The following GPATCH8 variants were observed in gnomAD, a reference collection of about 807,000 sequenced individuals.
GPATCH8 encodes G patch domain-containing protein 8.
A neutral mutation model predicts 118.3 loss-of-function variants in GPATCH8; 18 were observed. The ratio of observed to expected loss-of-function variants is 0.15; its 90% CI spans 0.11 to 0.23. GPATCH8 has a LOEUF of 0.23. Ranked by LOEUF, GPATCH8 falls within the 10% of genes least tolerant of loss-of-function variation. GPATCH8 has a pLI of 1.00. For missense variants in GPATCH8, 1,631 were observed against 1,873.8 expected, an observed-to-expected ratio of 0.87 and a Z score of 2.39; for synonymous variants, 659 against 684.7, an observed-to-expected ratio of 0.96 and a Z score of 0.59.
intron 6 of GPATCH8, among the ~76,000 whole-genome samples, chr17:44,422,635 C>A (rs973889777): frequency 1.3e-5 from 2 of 151,864 alleles, no homozygotes; most frequent in Admixed American, 1.3e-4. Context: ...GGACTACAGG[C>A]GCTCGCTACC....
rs776557370 is a variant in GPATCH8, at chr17:44,400,730, T to G, written c.1347A>C (p.Ala449=). Residue 449 remains alanine, a synonymous_variant, in exon 8 of 8, where the codon GCA becomes GCC. Transcript: ENST00000591680. The stretch of plus-strand genomic sequence containing the variant: ...CTGTCTTTTCTGCTCCTTGGCTTGC[T>G]GCCGCCTTGATGCAGCTTTTAGGCT... ...SPKPKSCIKA[A]ASQGAEKTVS... 18 of 1,612,580 alleles carry G rather than the reference T, an allele frequency of 1.1e-5. No homozygotes were observed. In the South Asian group the frequency reaches 1.5e-4, roughly 14 times the overall value.
chr17:44,437,262 T>C (rs1056768202), intron 3 of GPATCH8, among the ~76,000 whole-genome samples: 3 of 152,208 alleles, frequency 2.0e-5, no homozygotes, highest in Admixed American at 6.5e-5. Flanking sequence ...TGAAAAGGAC[T>C]AGTTGCGAAG....
rs758494011 is a variant in GPATCH8 at position 44,398,331 on chromosome 17, T to C, written c.3746A>G (p.Asp1249Gly). 9.9e-6 allele frequency: 16 copies of C among 1,613,862 alleles called. No individual in the cohort carries two copies. Among genetic ancestry groups the C allele is most frequent in the South Asian group, 9.9e-5 (9 of 91,084 alleles). ...ISHNYLPDPS[D>G]GDTLESLDSS... ...ATCCAGGGACTCCAGGGTGTCCCCA[T>C]CACTGGGGTCGGGGAGGTAGTTATG... The change falls in exon 8 of 8, where the codon GAT becomes GGT. Residue 1249 changes from aspartate to glycine, a missense_variant. Physicochemically the swap from Asp to Gly is moderately conservative, Grantham distance 94. This residue lies in a region of GPATCH8 where 922 missense variants were observed against 879.7 expected (regional missense o/e 1.05). Transcript: ENST00000591680.
chr17:44,464,664 T>C lies in GPATCH8; in HGVS notation c.121-120A>G, dbSNP rs1000766080. 2.1e-4 allele frequency: 162 copies of C among 761,030 alleles called. 3 individuals carry two copies. In the Admixed American group the frequency reaches 2.8e-3, roughly 13 times the overall value. The allele number at this position is 761,030 out of a possible 1,614,324, so 47.1% of individuals were successfully genotyped here. A position where few individuals can be genotyped will look rare whatever the true frequency, so the allele number is the denominator to read the frequency against. On this transcript the variant is annotated intron_variant, in intron 2 of 7. Coordinates refer to ENST00000591680, the MANE Select transcript of GPATCH8 (RefSeq NM_001002909.4). ...TTCTACATATATGCATGCAAAAAGGTGCTAATAATAGGGTAAATGTGCCCA... is the reference window on the plus strand; with the variant it reads ...TTCTACATATATGCATGCAAAAAGGCGCTAATAATAGGGTAAATGTGCCCA...
chr17:44,503,188 A>C, intron 1 of GPATCH8, 138 bp downstream of exon 1: 1 of 782,122 alleles, frequency 1.3e-6, no homozygotes, highest in Non-Finnish European at 2.2e-6. Flanking sequence ...CCTCTTGAGA[A>C]AGCAGAGACG....
intron 3 of GPATCH8, among the ~76,000 whole-genome samples, chr17:44,440,074 G>A (rs2050638167): frequency 1.3e-5 from 2 of 151,990 alleles, no homozygotes; most frequent in Admixed American, 6.6e-5. Flanking sequence ...GAACCACCTC[G>A]CCCGGCCTCA....
intron 3 of GPATCH8, among the ~76,000 whole-genome samples, chr17:44,442,122 TAG>T (rs1369615165): frequency 0.024 from 3,070 of 128,916 alleles, 50 homozygotes; most frequent in African/African-American, 0.044. Flanking sequence ...TATATATATA[TAG>T]AGAGAGAGAG....
intron 3 of GPATCH8, among the ~76,000 whole-genome samples, chr17:44,461,837 T>G (rs1385500347): frequency 2.1e-5 from 3 of 144,402 alleles, no homozygotes; most frequent in African/African-American, 7.4e-5. Flanking sequence ...ACCACAGGCA[T>G]GGACTACCAA....
chr17:44,407,116 A>C (rs760633092), intron 6 of GPATCH8: 1 of 152,166 alleles, frequency 6.6e-6, no homozygotes. Context: ...CCTAATATTT[A>C]TGAAATGTGT....
At position 44,424,111 on chromosome 17, in the gene GPATCH8, T is replaced by C. The variant is rs566091235; in HGVS notation, c.492+238A>G. Among the ~76,000 whole-genome samples the C allele has an allele frequency of 2.6e-5, 4 of 152,262 alleles. No homozygotes were observed. The East Asian group carries it at 5.8e-4, about 22-fold the overall frequency. The stretch of plus-strand genomic sequence containing the variant: ...AAATCAATAAAAGGCAAAAACATTA[T>C]ATAAGATTTACAAAACACAATTTGT... On this transcript the variant is annotated intron_variant, in intron 6 of 7. Coordinates refer to ENST00000591680, the MANE Select transcript of GPATCH8 (RefSeq NM_001002909.4).
intron 3 of GPATCH8, among the ~76,000 whole-genome samples, chr17:44,457,655 C>T (rs948942460): frequency 2.0e-5 from 3 of 152,114 alleles, no homozygotes; most frequent in African/African-American, 7.2e-5. Context: ...ATGAAAAGGC[C>T]AGGCATGGTG....
Position 44,430,377 on chromosome 17 carries a change from A to AAT in GPATCH8, c.348+4686_348+4687dup, listed in dbSNP as rs1230608623. On this transcript the variant is annotated intron_variant, in intron 5 of 7. Transcript: ENST00000591680. ...TCAACATACAAAAATCAATCAATGT[A>AAT]ATACACCACTACAATGTAATACACC... Among the ~76,000 whole-genome samples the AAT allele has an allele frequency of 1.6e-4, 25 of 151,936 alleles. No homozygotes were observed. In the East Asian group the frequency reaches 4.4e-3, roughly 27 times the overall value.
intron 3 of GPATCH8, among the ~76,000 whole-genome samples, chr17:44,438,879 C>T (rs2050598701): frequency 6.6e-6 from 1 of 152,168 alleles, no homozygotes; most frequent in African/African-American, 2.4e-5. Flanking sequence ...CAGCTGTTTT[C>T]ATACTGGTCA....
intron 7 of GPATCH8, among the ~76,000 whole-genome samples, chr17:44,403,000 T>G (rs1000969703): frequency 6.6e-6 from 1 of 152,016 alleles, no homozygotes; most frequent in African/African-American, 2.4e-5. Context: ...CTCATTGCAG[T>G]CTCAAACTCC....
intron 6 of GPATCH8, among the ~76,000 whole-genome samples, chr17:44,406,873 A>G (rs1326585991): frequency 6.6e-6 from 1 of 152,240 alleles, no homozygotes; most frequent in Non-Finnish European, 1.5e-5. Flanking sequence ...TACAACCAAA[A>G]AAGAACAGTG....
intron 3 of GPATCH8, among the ~76,000 whole-genome samples, chr17:44,448,638 A>G (rs1338705173): frequency 2.0e-5 from 3 of 151,880 alleles, no homozygotes; most frequent in Non-Finnish European, 2.9e-5. Flanking sequence ...TCACTTAAGA[A>G]GCTTCCTGGA....
At position 44,398,934 on chromosome 17, in the gene GPATCH8, C is replaced by T. The variant is rs2048889484; in HGVS notation, c.3143G>A (p.Gly1048Glu). Residue 1048 changes from glycine (G) to glutamate (E), a missense_variant, in exon 8 of 8, where the codon GGG becomes GAG. Physicochemically the swap from Gly to Glu is moderately conservative, Grantham distance 98. Around this residue, in one of 8 missense-constraint regions of GPATCH8, gnomAD observed 922 missense variants for 879.7 expected, o/e 1.05. Transcript: ENST00000591680. The part of the protein sequence containing the change: ...YFRSGRGEGP[G>E]KKDDGRGDDS... The stretch of plus-strand genomic sequence containing the variant: ...ATCTCCTCTGCCATCATCTTTCTTC[C>T]CAGGACCTTCTCCCCGGCCTGATCG... 1 of 1,614,046 alleles carries T rather than the reference C, an allele frequency of 6.2e-7. No individual in the cohort carries two copies. The highest frequency in any genetic ancestry group is 1.3e-5 in the African/African-American group (1 of 74,912).
chr17:44,432,638 A>T (rs1157966838), intron 5 of GPATCH8, among the ~76,000 whole-genome samples: 1 of 152,168 alleles, frequency 6.6e-6, no homozygotes, highest in Non-Finnish European at 1.5e-5. Context: ...GGTAAACATG[A>T]GTGTGTGGTG....
At chr17:44,405,722 T>A (rs1354721015) in intron 7 of GPATCH8, among the ~76,000 whole-genome samples, 199 bp downstream of exon 7, 1 of 151,894 alleles carries the variant, frequency 6.6e-6, no homozygotes, top group African/African-American at 2.4e-5. Context: ...GCCAGGATGG[T>A]CTCAATCTCC....
Sources: allele counts gnomAD v4.1 joint callset (sites outside exome capture counted in the v4.1 genomes callset), GRCh38; gene constraint gnomAD v4.1.1; regional missense constraint gnomAD v4.1.1; transcripts MANE v1.5; gene names NCBI Gene and HGNC (gene_info 2026-07-23, HGNC 2026-07-21).